The following ABCC4 variants were observed in gnomAD, a reference collection of about 807,000 sequenced individuals.
ABCC4 encodes the protein ATP binding cassette subfamily C member 4 (PEL blood group).
A neutral mutation model predicts 168.5 loss-of-function variants in ABCC4; 102 were observed. The ratio of observed to expected loss-of-function variants is 0.61; its 90% CI spans 0.52 to 0.71. ABCC4 has a LOEUF of 0.71. ABCC4 is among the 30% of genes least tolerant of loss of function. ABCC4 has a pLI of 0.00. For missense variants in ABCC4, 1,402 were observed against 1,605.8 expected, an observed-to-expected ratio of 0.87 and a Z score of 2.17; for synonymous variants, 617 against 590.7, an observed-to-expected ratio of 1.04 and a Z score of -0.65.
intron 1 of ABCC4, among the ~76,000 whole-genome samples, chr13:95,258,301 C>T (rs1027751990): frequency 2.0e-5 from 3 of 152,208 alleles, no homozygotes; most frequent in Middle Eastern, 3.4e-3. Flanking sequence ...GACTGGGTCC[C>T]CTTCGTTCAG....
chr13:95,047,636 C>T (rs1223802614), intron 27 of ABCC4, among the ~76,000 whole-genome samples: 3 of 151,894 alleles, frequency 2.0e-5, no homozygotes, highest in African/African-American at 7.3e-5. Flanking sequence ...CATACCACCA[C>T]ACCTGGCTAA....
At chr13:95,160,277 T>C (rs753478351) in intron 19 of ABCC4, among the ~76,000 whole-genome samples, 6 of 152,170 alleles carry the variant, frequency 3.9e-5, no homozygotes, top group Non-Finnish European at 5.9e-5. Flanking sequence ...GCCAAAGCTG[T>C]GCCTGTGTTC....
intron 4 of ABCC4, among the ~76,000 whole-genome samples, chr13:95,213,096 C>T (rs747228171): frequency 4.0e-5 from 6 of 150,016 alleles, no homozygotes; most frequent in Non-Finnish European, 7.4e-5. Flanking sequence ...CATTACACTC[C>T]AGCTTCGGCG....
chr13:95,029,198 A>ATC (rs2031709866), intron 30 of ABCC4, among the ~76,000 whole-genome samples: 2 of 81,940 alleles, frequency 2.4e-5, no homozygotes, highest in African/African-American at 1.1e-4. Context: ...ATATATATAT[A>ATC]TATATATATA....
At chr13:95,153,584 T>A (rs2139516702) in intron 19 of ABCC4, among the ~76,000 whole-genome samples, 1 of 152,330 alleles carries the variant, frequency 6.6e-6, no homozygotes, top group East Asian at 1.9e-4. Flanking sequence ...TTTCCTGAAA[T>A]ATTACATGAT....
At chr13:95,264,787 C>T (rs1163657971) in intron 1 of ABCC4, among the ~76,000 whole-genome samples, 7 of 150,960 alleles carry the variant, frequency 4.6e-5, no homozygotes. Flanking sequence ...TGTTCTATAA[C>T]TATGATGGAA....
intron 30 of ABCC4, among the ~76,000 whole-genome samples, chr13:95,031,868 T>A (rs903763053): frequency 6.6e-6 from 1 of 152,224 alleles, no homozygotes; most frequent in African/African-American, 2.4e-5. Context: ...TATTTCTTAT[T>A]ACTCCATGCC....
intron 1 of ABCC4, among the ~76,000 whole-genome samples, chr13:95,271,760 C>T (rs1416051529): frequency 2.6e-5 from 4 of 152,094 alleles, no homozygotes; most frequent in Non-Finnish European, 5.9e-5. Flanking sequence ...GAGCACGCAG[C>T]GTGACATAGC....
chr13:95,025,038 G>T (rs1051272654), intron 30 of ABCC4, among the ~76,000 whole-genome samples: 3 of 151,860 alleles, frequency 2.0e-5, no homozygotes, highest in African/African-American at 4.8e-5. Flanking sequence ...TGTCAATAAA[G>T]AATCAATTAG....
chr13:95,127,726 C>A (rs1027326046), intron 19 of ABCC4, among the ~76,000 whole-genome samples: 1 of 152,146 alleles, frequency 6.6e-6, no homozygotes, highest in African/African-American at 2.4e-5. Flanking sequence ...TGGTGCCATT[C>A]TCTAAGGATA....
intron 22 of ABCC4, 50 bp from the exon 23 acceptor site, chr13:95,074,374 G>A (rs763576902): frequency 6.2e-6 from 9 of 1,456,590 alleles, no homozygotes; most frequent in South Asian, 1.2e-5. Context: ...ATGAATGTGC[G>A]AGTGTGTTTT....
At position 95,194,891 on chromosome 13, in the gene ABCC4, G is replaced by A. The variant is rs11568705; in HGVS notation, c.1208C>T (p.Pro403Leu). 810 of 1,614,054 alleles carry A rather than the reference G, an allele frequency of 5.0e-4. 2 individuals carry two copies. Among genetic ancestry groups the A allele is most frequent in the African/African-American group, 4.1e-3 (304 of 75,028 alleles). Residue 403 changes from proline (P) to leucine (L), a missense_variant, in exon 9 of 31, where the codon CCG becomes CTG. Physicochemically the swap from Pro to Leu is moderately conservative, Grantham distance 98. This residue lies in a region of ABCC4 where 1,007 missense variants were observed against 1,127.3 expected (regional missense o/e 0.89). Transcript: ENST00000645237. ...ATGCACCATCTTTTTACCATCTGAC[G>A]GCAGCTGACGGTTGCGCTGTGATAT... ...DEISQRNRQL[P>L]SDGKKMVHVQ...
At chr13:95,200,505 G>A (rs1378397921) in intron 8 of ABCC4, among the ~76,000 whole-genome samples, 2 of 152,114 alleles carry the variant, frequency 1.3e-5, no homozygotes, top group African/African-American at 4.8e-5. Flanking sequence ...GGTGGATCAC[G>A]AGGTCAAGAG....
intron 19 of ABCC4, among the ~76,000 whole-genome samples, chr13:95,128,769 AACCT>A (rs769845434): frequency 1.3e-5 from 2 of 152,194 alleles, no homozygotes; most frequent in Non-Finnish European, 2.9e-5. Context: ...TGGTTCCCTG[AACCT>A]ACCTTATCAA....
chr13:95,102,847 C>T (rs996108087), intron 20 of ABCC4, among the ~76,000 whole-genome samples: 2 of 151,224 alleles, frequency 1.3e-5, no homozygotes, highest in Non-Finnish European at 2.9e-5. Flanking sequence ...TCTCAAACTC[C>T]TGACCTCAAG....
chr13:95,186,916 C>T, intron 10 of ABCC4, 24 bp from the exon 11 acceptor site: 1 of 1,584,780 alleles, frequency 6.3e-7, no homozygotes, highest in Non-Finnish European at 8.6e-7. Flanking sequence ...TAAAAAAGCA[C>T]ATGTTCAGTC....
At chr13:95,027,965 C>T (rs1028825584) in intron 30 of ABCC4, among the ~76,000 whole-genome samples, 8 of 152,150 alleles carry the variant, frequency 5.3e-5, no homozygotes, top group African/African-American at 1.9e-4. Flanking sequence ...CAAAGACAAT[C>T]CCATATATAG....
At chr13:95,082,716 T>C (rs1218577882) in intron 21 of ABCC4, among the ~76,000 whole-genome samples, 2 of 152,234 alleles carry the variant, frequency 1.3e-5, no homozygotes, top group African/African-American at 2.4e-5. Flanking sequence ...TTGTCATTTT[T>C]AGTATCTTCG....
At chr13:95,257,644 C>T (rs1021589038) in intron 1 of ABCC4, among the ~76,000 whole-genome samples, 1 of 145,048 alleles carries the variant, frequency 6.9e-6, no homozygotes, top group Non-Finnish European at 1.5e-5. Context: ...GCCTGGGCAA[C>T]AGAGTGAGAC....
Sources: allele counts gnomAD v4.1 joint callset (sites outside exome capture counted in the v4.1 genomes callset), GRCh38; gene constraint gnomAD v4.1.1; regional missense constraint gnomAD v4.1.1; transcripts MANE v1.5; gene names NCBI Gene and HGNC (gene_info 2026-07-23, HGNC 2026-07-21).